The following ZNF850 variants were observed in gnomAD, a reference collection of about 807,000 sequenced individuals.
The protein encoded by ZNF850 is putative zinc finger protein ENSP00000330994.
Under a neutral mutation model 11.9 loss-of-function variants are expected in ZNF850, and 2 were observed. That is an observed-to-expected ratio of 0.17 (90% CI 0.07 to 0.53). ZNF850 has a LOEUF of 0.53. ZNF850 is among the 20% of genes least tolerant of loss of function. The pLI, the probability that ZNF850 is intolerant of heterozygous loss-of-function variation, is 0.94. For synonymous variants in ZNF850, 381 were observed against 443.0 expected, an observed-to-expected ratio of 0.86 and a Z score of 1.76; for missense variants, 1,014 against 1,316.4, an observed-to-expected ratio of 0.77 and a Z score of 3.55.
chr19:36,759,481 A>G (rs567845233), intron 4 of ZNF850, among the ~76,000 whole-genome samples: 10 of 152,298 alleles, frequency 6.6e-5, no homozygotes, highest in African/African-American at 1.9e-4. Flanking sequence ...ACAAAAACAA[A>G]AAAAGAAGAA....
chr19:36,762,525 T>C, intron 2 of ZNF850, 70 bp downstream of exon 2: 3 of 1,536,040 alleles, frequency 2.0e-6, no homozygotes, highest in Non-Finnish European at 2.6e-6. Flanking sequence ...ATGGAGAGAA[T>C]ACAGTGAGCA....
chr19:36,752,647 C>CT (rs1162014200), intron 4 of ZNF850, among the ~76,000 whole-genome samples: 2 of 152,038 alleles, frequency 1.3e-5, no homozygotes, highest in Non-Finnish European at 2.9e-5. Flanking sequence ...ATCACATAGT[C>CT]TGTTTATAGG....
At chr19:36,765,582 A>AT (rs371481745) in intron 1 of ZNF850, among the ~76,000 whole-genome samples, 9,974 of 124,420 alleles carry the variant, frequency 0.08, 1,133 homozygotes, top group African/African-American at 0.24. Flanking sequence ...CAAAGTAAAG[A>AT]TTTTTTTTTT....
intron 1 of ZNF850, among the ~76,000 whole-genome samples, chr19:36,770,459 G>A (rs1451230860): frequency 6.6e-6 from 1 of 152,090 alleles, no homozygotes; most frequent in Non-Finnish European, 1.5e-5. Context: ...AACACTTTGG[G>A]AGGCCGAGGC....
rs1209259375 is a variant in ZNF850 at position 36,748,400 on chromosome 19, A to G, written c.2640T>C (p.Phe880=). 2 of 1,546,598 alleles carry G rather than the reference A, an allele frequency of 1.3e-6. No homozygotes were observed. The highest frequency in any genetic ancestry group is 2.7e-5 in the African/African-American group (2 of 73,096). ...GCCGATGTTGGATTATTGCTGAGCG[A>G]AAAGCAAAAGATTTTCCACATTCCT... ...HCKECGKSFA[F]RSAIIQHRRI... Residue 880 remains phenylalanine (F), a synonymous_variant, in exon 5 of 5, where the codon TTT becomes TTC. Transcript: ENST00000591344.
intron 4 of ZNF850, among the ~76,000 whole-genome samples, chr19:36,753,861 CAA>C (rs1186757229): frequency 1.3e-5 from 2 of 152,046 alleles, no homozygotes; most frequent in African/African-American, 4.8e-5. Context: ...CAATCTGGCT[CAA>C]GAGTCCATGC....
Position 36,762,632 on chromosome 19 carries a change from C to T in ZNF850, c.-26G>A. The T allele has an allele frequency of 6.5e-7, 1 of 1,535,140 alleles. No homozygotes were observed. The highest frequency in any genetic ancestry group is 8.7e-7 in the Non-Finnish European group (1 of 1,146,056). ...GAATATTCCTGTTGCAGCCAGCAAA[C>T]CTCCTTCATAGAATGGGACATTCCG... On this transcript the variant is annotated 5_prime_UTR_variant, in exon 2 of 5. Transcript: ENST00000591344.
At chr19:36,763,663 C>A (rs1279749110) in intron 1 of ZNF850, among the ~76,000 whole-genome samples, 1 of 151,252 alleles carries the variant, frequency 6.6e-6, no homozygotes, top group Admixed American at 6.6e-5. Flanking sequence ...GTGTGGTAAC[C>A]CACACCTGTA....
chr19:36,747,889 C>A lies in ZNF850; in HGVS notation c.3151G>T (p.Gly1051Ter). 2 of 1,572,954 alleles carry A rather than the reference C, an allele frequency of 1.3e-6. No homozygotes were observed. Residue 1051 changes from glycine (G) to a stop codon, truncating the protein, a stop_gained, in exon 5 of 5, where the codon GGA (glycine) becomes TGA (stop). Coordinates refer to ENST00000591344, the MANE Select transcript of ZNF850 (RefSeq NM_001193552.2). LOFTEE classifies it low-confidence loss of function (END_TRUNC). Reference protein sequence around the residue: ...ECGKAFFYASGLSRHQSVHTG... With the variant: ...ECGKAFFYAS ...TGAACACTCTGATGTCGGCTGAGTCCTGAGGCATAGAAAAAGGCTTTCCCA... is the reference window on the plus strand; with the variant it reads ...TGAACACTCTGATGTCGGCTGAGTCATGAGGCATAGAAAAAGGCTTTCCCA...
Position 36,749,368 on chromosome 19 carries a change from C to T in ZNF850, c.1672G>A (p.Glu558Lys), listed in dbSNP as rs1380754228. 6.5e-7 allele frequency: 1 copy of T among 1,549,840 alleles called. No individual in the cohort carries two copies. Among genetic ancestry groups the T allele is most frequent in the African/African-American group, 1.4e-5 (1 of 73,204 alleles). ...CATTCTTTACAATCATAGGGTTTCT[C>T]ACCAGTGTGAACTGCCTGATGTCCA... Reference protein sequence around the residue: ...LIGHQAVHTGEKPYDCKECGK... With the variant: ...LIGHQAVHTGKKPYDCKECGK... The change falls in exon 5 of 5, where the codon GAG (glutamate) becomes AAG (lysine). Residue 558 changes from glutamate to lysine, a missense_variant. Coordinates refer to ENST00000591344, the MANE Select transcript of ZNF850 (RefSeq NM_001193552.2).
Position 36,745,013 on chromosome 19 carries a change from G to C in ZNF850, c.*2754C>G, listed in dbSNP as rs1268154153. 1 of 152,166 alleles carries C rather than the reference G, an allele frequency of 6.6e-6. No individual in the cohort carries two copies. The highest frequency in any genetic ancestry group is 1.5e-5 in the Non-Finnish European group (1 of 68,136). The allele number at this position is 152,166 out of a possible 1,614,324, so 9.4% of individuals were successfully genotyped here. ...GGGCACCTGTAGTCACAGCTACTAGGGAGGCTGAGGCAGGAGAATGGCGTG... is the reference window on the plus strand; with the variant it reads ...GGGCACCTGTAGTCACAGCTACTAGCGAGGCTGAGGCAGGAGAATGGCGTG... On this transcript the variant is annotated 3_prime_UTR_variant, in exon 5 of 5. Transcript: ENST00000591344.
At chr19:36,771,098 T>C (rs1231065127) in intron 1 of ZNF850, among the ~76,000 whole-genome samples, 1 of 152,170 alleles carries the variant, frequency 6.6e-6, no homozygotes, top group African/African-American at 2.4e-5. Flanking sequence ...AATTGAGTTG[T>C]TAGGGTAAAG....
chr19:36,761,762 A>G (rs577458988), intron 3 of ZNF850, 24 bp from the exon 4 acceptor site: 925 of 1,387,594 alleles, frequency 6.7e-4, no homozygotes, highest in Non-Finnish European at 8.6e-4. Context: ...AAGAAGTAAG[A>G]TAGCCAGGCA....
intron 1 of ZNF850, 56 bp from the exon 2 acceptor site, chr19:36,762,731 A>G (rs1473572226): frequency 1.0e-6 from 1 of 996,722 alleles, no homozygotes; most frequent in Admixed American, 2.1e-5. Flanking sequence ...GAACTAGAGT[A>G]CAAAAGCACA....
chr19:36,767,449 C>T (rs771180889), intron 1 of ZNF850, among the ~76,000 whole-genome samples: 10 of 151,690 alleles, frequency 6.6e-5, no homozygotes, highest in Non-Finnish European at 1.2e-4. Flanking sequence ...CCCAGCTACT[C>T]GGGAGGCTGA....
intron 4 of ZNF850, among the ~76,000 whole-genome samples, chr19:36,756,624 T>C (rs530705660): frequency 7.2e-5 from 11 of 152,214 alleles, no homozygotes; most frequent in East Asian, 1.9e-4. Flanking sequence ...ACATTTTTTT[T>C]CCCCCTCAAG....
Position 36,749,604 on chromosome 19 carries a change from C to A in ZNF850, c.1436G>T (p.Cys479Phe). The change falls in exon 5 of 5, where the codon TGT becomes TTT. Residue 479 changes from cysteine to phenylalanine, a missense_variant. Cys to Phe is a radical substitution (Grantham distance 205, BLOSUM62 -2). Coordinates refer to ENST00000591344, the MANE Select transcript of ZNF850 (RefSeq NM_001193552.2). ...AGTAAAAGATTTTCCACATTCCTTA[C>A]AACAATAGGGTTTCTCACCAGTGTG... ...RIHTGEKPYCCKECGKSFTFR... is the reference protein window; with the variant it reads ...RIHTGEKPYCFKECGKSFTFR... The A allele has an allele frequency of 6.5e-7, 1 of 1,550,180 alleles. No homozygotes were observed.
At chr19:36,755,570 C>T (rs921809143) in intron 4 of ZNF850, among the ~76,000 whole-genome samples, 1 of 151,932 alleles carries the variant, frequency 6.6e-6, no homozygotes, top group Non-Finnish European at 1.5e-5. Flanking sequence ...GTATCATGGG[C>T]CGGGCTGTGT....
rs544230585 is a variant in ZNF850 at position 36,748,775 on chromosome 19, T to C, written c.2265A>G (p.Lys755=). 100 of 1,551,888 alleles carry C rather than the reference T, an allele frequency of 6.4e-5. No homozygotes were observed. The highest frequency in any genetic ancestry group is 5.0e-4 in the Middle Eastern group (3 of 6,022). The change falls in exon 5 of 5, where the codon AAA becomes AAG. Residue 755 remains lysine (K), a synonymous_variant. Coordinates refer to ENST00000591344, the MANE Select transcript of ZNF850 (RefSeq NM_001193552.2). ...TCCCACATTCCTTACAATCATAGGG[T>C]TTCTCACCAGTGTGAATTTGCTGAT... is the stretch of plus-strand genomic sequence containing the variant. ...IQHQQIHTGE[K]PYDCKECGKS...
Sources: allele counts gnomAD v4.1 joint callset (sites outside exome capture counted in the v4.1 genomes callset), GRCh38; gene constraint gnomAD v4.1.1; transcripts MANE v1.5; gene names NCBI Gene and HGNC (gene_info 2026-07-23, HGNC 2026-07-21).